Variants in NWD2 observed in about 807,000 individuals in gnomAD.
NWD2 encodes the protein NACHT and WD repeat domain-containing protein 2.
A neutral mutation model predicts 132.7 loss-of-function variants in NWD2; 37 were observed. The observed-to-expected ratio is 0.28, with a 90% CI of 0.21 to 0.37. NWD2 has a LOEUF of 0.37. Among genes scored for constraint, NWD2 ranks in the 10% least tolerant of loss-of-function variants. NWD2 has a pLI of 1.00. For synonymous variants in NWD2, 705 were observed against 803.0 expected, an observed-to-expected ratio of 0.88 and a Z score of 2.06; for missense variants, 1,592 against 2,122.4, an observed-to-expected ratio of 0.75 and a Z score of 4.91.
chr4:37,390,473 G>A (rs1175641982), intron 3 of NWD2, among the ~76,000 whole-genome samples: 2 of 151,856 alleles, frequency 1.3e-5, no homozygotes, highest in Non-Finnish European at 1.5e-5. Context: ...AAGAAATTTG[G>A]TTTATAGTAA....
intron 3 of NWD2, among the ~76,000 whole-genome samples, chr4:37,421,538 A>G (rs1432767442): frequency 1.3e-5 from 2 of 152,234 alleles, no homozygotes; most frequent in African/African-American, 2.4e-5. Context: ...TGTAAATTTA[A>G]TAACTATAAT....
intron 3 of NWD2, among the ~76,000 whole-genome samples, chr4:37,384,925 C>T (rs563874844): frequency 6.0e-4 from 92 of 152,328 alleles, no homozygotes; most frequent in Non-Finnish European, 7.1e-4. Flanking sequence ...GTCTTCTGCT[C>T]AGCCACACCA....
intron 2 of NWD2, among the ~76,000 whole-genome samples, chr4:37,348,445 A>G (rs1577675610): frequency 6.6e-6 from 1 of 151,862 alleles, no homozygotes. Flanking sequence ...CAGAGAAGAC[A>G]TGAGGCCCTA....
chr4:37,414,024 G>T (rs1371162972), intron 3 of NWD2, among the ~76,000 whole-genome samples: 1 of 151,952 alleles, frequency 6.6e-6, no homozygotes, highest in Non-Finnish European at 1.5e-5. Context: ...TAATGTAGGT[G>T]ACGGGTTGAT....
intron 1 of NWD2, among the ~76,000 whole-genome samples, chr4:37,247,995 C>CCT (rs1717279852): frequency 6.6e-6 from 1 of 152,048 alleles, no homozygotes; most frequent in South Asian, 2.1e-4. Flanking sequence ...CTCAAACAAC[C>CCT]CTCTGAGGGT....
At chr4:37,376,944 T>C (rs554659634) in intron 3 of NWD2, among the ~76,000 whole-genome samples, 1 of 152,212 alleles carries the variant, frequency 6.6e-6, no homozygotes, top group African/African-American at 2.4e-5. Flanking sequence ...ATCTACTGTA[T>C]TGGGCTGAGT....
intron 1 of NWD2, among the ~76,000 whole-genome samples, chr4:37,279,923 T>G (rs1022560202): frequency 6.6e-6 from 1 of 152,204 alleles, no homozygotes; most frequent in Non-Finnish European, 1.5e-5. Context: ...ATAGAGAGAT[T>G]GACAAGAGTG....
chr4:37,291,617 T>C (rs1429734011), intron 1 of NWD2, among the ~76,000 whole-genome samples: 2 of 152,122 alleles, frequency 1.3e-5, no homozygotes, highest in East Asian at 3.8e-4. Context: ...AAAGGAAACC[T>C]TCGTAGCCTT....
chr4:37,320,175 T>C (rs1390183488), intron 1 of NWD2, among the ~76,000 whole-genome samples: 1 of 152,182 alleles, frequency 6.6e-6, no homozygotes, highest in African/African-American at 2.4e-5. Flanking sequence ...ATAGTTCTTC[T>C]TGTAGAGATC....
intron 1 of NWD2, among the ~76,000 whole-genome samples, chr4:37,289,171 T>C (rs1435322347): frequency 2.6e-5 from 4 of 152,224 alleles, no homozygotes; most frequent in African/African-American, 9.6e-5. Flanking sequence ...AGTGCCTAAA[T>C]AGTGTTGGAT....
intron 1 of NWD2, among the ~76,000 whole-genome samples, chr4:37,300,797 T>G (rs1718598392): frequency 6.6e-6 from 1 of 152,100 alleles, no homozygotes; most frequent in East Asian, 1.9e-4. Context: ...CATAAGGAAT[T>G]TAGGAGGTTT....
chr4:37,245,002 C>G lies in NWD2; in HGVS notation c.-66C>G. The G allele has an allele frequency of 6.5e-7, 1 of 1,532,214 alleles. No individual in the cohort carries two copies. The highest frequency in any genetic ancestry group is 1.2e-5 in the South Asian group (1 of 83,184). 94.9% of individuals were successfully genotyped at this position (1,532,214 alleles called of 1,614,324 possible). A position where few individuals can be genotyped will look rare whatever the true frequency, so the allele number is the denominator to read the frequency against. On this transcript the variant is annotated 5_prime_UTR_variant, in exon 1 of 7. Transcript: ENST00000309447. ...CCGCCTGCTGAGCCGTTCCGTGGAG[C>G]TGCGGGCAGGAACCCGAGGAGCAGG... is the stretch of plus-strand genomic sequence containing the variant.
Position 37,443,431 on chromosome 4 carries a change from G to C in NWD2, c.1443G>C (p.Leu481=), listed in dbSNP as rs1319724985. Residue 481 remains leucine, a synonymous_variant, in exon 7 of 7, where the codon CTG becomes CTC. Coordinates refer to ENST00000309447, the MANE Select transcript of NWD2 (RefSeq NM_001144990.2). This position sits in a 1 kb window ranked among gnomAD's most constrained non-coding sequence, Gnocchi z 4.1. Reference sequence around the variant, plus strand: ...AATTGGCAGTTAACTACCGGTGTCTGGTTCAAAGCTACCCTAAGAAGATCC... The same window carrying C: ...AATTGGCAGTTAACTACCGGTGTCTCGTTCAAAGCTACCCTAAGAAGATCC... ...CEQLAVNYRC[L]VQSYPKKIHD... The C allele has an allele frequency of 6.4e-7, 1 of 1,552,204 alleles. No individual in the cohort carries two copies. The highest frequency in any genetic ancestry group is 2.4e-5 in the East Asian group (1 of 40,914).
Position 37,356,553 on chromosome 4 carries a change from T to C in NWD2, c.357+71T>C, listed in dbSNP as rs114552279. The stretch of plus-strand genomic sequence containing the variant: ...GTGAGAATTATTGCTGATTTGTGAT[T>C]CATAAGGGGTTTTTTAAATGAGGGG... On this transcript the variant is annotated intron_variant, in intron 3 of 6. Coordinates refer to ENST00000309447, the MANE Select transcript of NWD2 (RefSeq NM_001144990.2). 1,623 of 1,005,228 alleles carry C rather than the reference T, an allele frequency of 1.6e-3. 18 individuals are homozygous for C. In the African/African-American group the frequency reaches 0.024, roughly 15 times the overall value. The allele number at this position is 1,005,228 out of a possible 1,614,324, so 62.3% of individuals were successfully genotyped here. A position where few individuals can be genotyped will look rare whatever the true frequency, so the allele number is the denominator to read the frequency against.
In NWD2 at chr4:37,340,947, G is replaced by A. The variant is rs550856434; in HGVS notation, c.240+14923G>A. 3.9e-4 allele frequency among the ~76,000 whole-genome samples: 59 copies of A among 152,230 alleles called. 1 individual carries two copies. The highest frequency in any genetic ancestry group is 1.4e-3 in the African/African-American group (59 of 41,546). On this transcript the variant is annotated intron_variant, in intron 2 of 6. Coordinates refer to ENST00000309447, the MANE Select transcript of NWD2 (RefSeq NM_001144990.2). Reference sequence around the variant, plus strand: ...GTGGCAGGATCAGAATTTGAACCAAGGTAGTTTGGCCTGAATGTCCATACT... The same window carrying A: ...GTGGCAGGATCAGAATTTGAACCAAAGTAGTTTGGCCTGAATGTCCATACT...
In NWD2 at chr4:37,445,959, T is replaced by C; in HGVS notation, c.3971T>C (p.Leu1324Ser). 6.4e-7 allele frequency: 1 copy of C among 1,551,662 alleles called. No individual in the cohort carries two copies. ...GGAAAACCCATCCAAAGTCTGTTGT[T>C]GCCTGCTAGAGGGGAAATCATTTAC... Reference protein sequence around the residue: ...KTGKPIQSLLLPARGEIIYSL... With the variant: ...KTGKPIQSLLSPARGEIIYSL... The change falls in exon 7 of 7, where the codon TTG (leucine) becomes TCG (serine). Residue 1324 changes from leucine to serine, a missense_variant. Physicochemically the swap from Leu to Ser is moderately radical, Grantham distance 145 (BLOSUM62 -2). Around this residue, in one of 7 missense-constraint regions of NWD2, gnomAD observed 1,071 missense variants for 1,398.0 expected, o/e 0.77. Transcript: ENST00000309447. This position sits in a 1 kb window ranked among gnomAD's most constrained non-coding sequence, Gnocchi z 4.7.
At position 37,377,523 on chromosome 4, in the gene NWD2, G is replaced by T. The variant is rs187094770; in HGVS notation, c.357+21041G>T. ...AAGGTTGGTGGATCACCTGAGGTTGGGAGTTTGAGACCAGCCTGACCAACA... is the reference window on the plus strand; with the variant it reads ...AAGGTTGGTGGATCACCTGAGGTTGTGAGTTTGAGACCAGCCTGACCAACA... On this transcript the variant is annotated intron_variant, in intron 3 of 6. Coordinates refer to ENST00000309447, the MANE Select transcript of NWD2 (RefSeq NM_001144990.2). Among the ~76,000 whole-genome samples, 53 of 152,246 alleles carry T rather than the reference G, an allele frequency of 3.5e-4. No individual in the cohort carries two copies. The East Asian group carries it at 0.01, about 29-fold the overall frequency.
chr4:37,356,768 A>T (rs909803277), intron 3 of NWD2, among the ~76,000 whole-genome samples: 11 of 152,160 alleles, frequency 7.2e-5, no homozygotes, highest in African/African-American at 2.7e-4. Context: ...AACAATAAGG[A>T]TTACTCTTTC....
chr4:37,254,277 C>A (rs190958451), intron 1 of NWD2, among the ~76,000 whole-genome samples: 85 of 152,242 alleles, frequency 5.6e-4, no homozygotes, highest in Non-Finnish European at 1.1e-3. Context: ...AAATCCCTGG[C>A]AATATGTATT....
Sources: gnomAD v4.1 joint callset for allele counts (sites outside exome capture counted in the v4.1 genomes callset) on GRCh38, gnomAD v4.1.1 for gene constraint, gnomAD v4.1.1 regional missense constraint, Gnocchi (gnomAD v3.1) non-coding constraint, MANE v1.5 for transcripts, NCBI Gene and HGNC (gene_info 2026-07-23, HGNC 2026-07-21) for gene names.